The following MTR variants were observed in gnomAD, a reference collection of about 807,000 sequenced individuals.
MTR encodes methionine synthase.
Under a neutral mutation model 154.8 loss-of-function variants are expected in MTR, and 84 were observed. The ratio of observed to expected loss-of-function variants is 0.54; its 90% CI spans 0.45 to 0.65. The LOEUF is 0.65. Among genes scored for constraint, MTR ranks in the 30% least tolerant of loss-of-function variants. The pLI is 0.00. For missense variants in MTR, 1,275 were observed against 1,570.2 expected (o/e 0.81, Z 3.18); for synonymous variants, 554 against 553.9 (o/e 1.00, Z 0.00).
chr1:236,837,631 G>T (rs960928643), intron 14 of MTR, among the ~76,000 whole-genome samples: 1 of 152,184 alleles, frequency 6.6e-6, no homozygotes, highest in Non-Finnish European at 1.5e-5. Flanking sequence ...GGGAGCTGTG[G>T]TATGCACCTG....
intron 25 of MTR, among the ~76,000 whole-genome samples, chr1:236,884,393 G>T (rs1489688173): frequency 6.6e-6 from 1 of 152,172 alleles, no homozygotes; most frequent in Non-Finnish European, 1.5e-5. Flanking sequence ...AACCCAGAGG[G>T]TTCCCAAGAC....
chr1:236,878,762 G>C (rs1665570386), intron 24 of MTR, among the ~76,000 whole-genome samples: 1 of 152,178 alleles, frequency 6.6e-6, no homozygotes, highest in African/African-American at 2.4e-5. Context: ...ATAGATTTGG[G>C]GTCTTTGGTC....
rs1479491475 is a variant in MTR, at chr1:236,899,220, T to G, written c.*1576T>G. The G allele has an allele frequency of 6.6e-6, 1 of 152,196 alleles. No homozygotes were observed. The highest frequency in any genetic ancestry group is 2.4e-5 in the African/African-American group (1 of 41,456). The allele number at this position is 152,196 out of a possible 1,614,324, so 9.4% of individuals were successfully genotyped here. ...GTGTTTATATGGAGTAGCAAAGGAC[T>G]TAAAATTACCAAATGCTTCTAAATA... On this transcript the variant is annotated 3_prime_UTR_variant, in exon 33 of 33. Coordinates refer to ENST00000366577, the MANE Select transcript of MTR (RefSeq NM_000254.3).
intron 28 of MTR, among the ~76,000 whole-genome samples, chr1:236,889,971 C>G (rs1265975496): frequency 6.6e-6 from 1 of 152,044 alleles, no homozygotes; most frequent in Admixed American, 6.6e-5. Context: ...ACTACCCCCA[C>G]TTCTCACTTC....
rs186469456 is a variant in MTR, at chr1:236,854,626, A to G, written c.1953+1538A>G. Reference sequence around the variant, plus strand: ...GCCTCTATTGCCATGAAGTCATACTAGACAGTTCTTAATTAACACATGAAA... The same window carrying G: ...GCCTCTATTGCCATGAAGTCATACTGGACAGTTCTTAATTAACACATGAAA... On this transcript the variant is annotated intron_variant, in intron 18 of 32. Transcript: ENST00000366577. Among the ~76,000 whole-genome samples, 553 of 152,282 alleles carry G rather than the reference A, an allele frequency of 3.6e-3. 8 individuals are homozygous for G. The highest frequency in any genetic ancestry group is 0.013 in the African/African-American group (538 of 41,554).
chr1:236,871,978 G>A (rs140378187), intron 22 of MTR, among the ~76,000 whole-genome samples: 2 of 152,178 alleles, frequency 1.3e-5, no homozygotes, highest in African/African-American at 4.8e-5. Context: ...TCATGTTGTA[G>A]TCTTAAGCAT....
intron 13 of MTR, 90 bp from the exon 14 acceptor site, chr1:236,835,457 G>T: frequency 1.3e-6 from 2 of 1,518,058 alleles, no homozygotes; most frequent in Non-Finnish European, 1.8e-6. Context: ...TAATTTGAAG[G>T]ATTGCTGGGA....
intron 1 of MTR, among the ~76,000 whole-genome samples, chr1:236,798,953 T>G (rs1259713858): frequency 6.6e-6 from 1 of 152,164 alleles, no homozygotes; most frequent in Non-Finnish European, 1.5e-5. Context: ...TAAAGCCCAG[T>G]GAAAAATGAC....
chr1:236,838,383 C>CT, intron 14 of MTR, 31 bp from the exon 15 acceptor site: 1 of 1,611,020 alleles, frequency 6.2e-7, no homozygotes, highest in African/African-American at 1.3e-5. Context: ...CCTGTGGCCT[C>CT]TGTGTGATTT....
intron 9 of MTR, among the ~76,000 whole-genome samples, chr1:236,824,629 A>G (rs1201501799): frequency 1.3e-5 from 2 of 152,242 alleles, no homozygotes. Flanking sequence ...CTTGCAGTTC[A>G]TTATATGGAA....
In MTR at chr1:236,826,857, T is replaced by C. The variant is rs765853700; in HGVS notation, c.956T>C (p.Ile319Thr). The change falls in exon 11 of 33, where the codon ATA becomes ACA. Residue 319 changes from isoleucine to threonine, a missense_variant. Transcript: ENST00000366577. ...KDFAMDGLVN[I>T]VGGCCGSTPD... ...TTTGCTATGGATGGCTTGGTCAATA[T>C]AGTTGGAGGATGCTGTGGGTCAACA... 1.2e-6 allele frequency: 2 copies of C among 1,614,164 alleles called. No homozygotes were observed. The highest frequency in any genetic ancestry group is 1.1e-5 in the South Asian group (1 of 91,084).
Position 236,900,265 on chromosome 1 carries a change from A to G in MTR, c.*2621A>G. On this transcript the variant is annotated 3_prime_UTR_variant, in exon 33 of 33. Coordinates refer to ENST00000366577, the MANE Select transcript of MTR (RefSeq NM_000254.3). ...TGAGTGAACTACAGCTATACCTCAC[A>G]ATAAGAATGAATCTCAGAAAATATT... 4.1e-6 allele frequency: 1 copy of G among 242,442 alleles called. No homozygotes were observed. Among genetic ancestry groups the G allele is most frequent in the Non-Finnish European group, 8.6e-6 (1 of 116,430 alleles). The allele number at this position is 242,442 out of a possible 1,614,324, so 15.0% of individuals were successfully genotyped here.
chr1:236,873,065 G>C (rs899822738), intron 22 of MTR, among the ~76,000 whole-genome samples: 8 of 152,306 alleles, frequency 5.3e-5, no homozygotes, highest in Admixed American at 5.2e-4. Context: ...AGCAAAACAT[G>C]TTATCTCCAT....
chr1:236,880,889 C>T, intron 25 of MTR, 53 bp downstream of exon 25: 1 of 1,491,442 alleles, frequency 6.7e-7, no homozygotes, highest in East Asian at 2.3e-5. Flanking sequence ...GCTTGCATTA[C>T]AAGTAAGGGT....
Position 236,811,288 on chromosome 1 carries a change from C to T in MTR, c.502+693C>T, listed in dbSNP as rs148140339. ...TCACCAGGTCCCCTCTCACAACACG[C>T]GGGAATTCAAGACGAGATTTGGGTG... On this transcript the variant is annotated intron_variant, in intron 5 of 32. Transcript: ENST00000366577. Among the ~76,000 whole-genome samples, 1,240 of 152,164 alleles carry T rather than the reference C, an allele frequency of 8.1e-3. 6 individuals are homozygous for T. The highest frequency in any genetic ancestry group is 0.014 in the Middle Eastern group (4 of 294).
At chr1:236,889,613 C>G (rs1028468967) in intron 28 of MTR, among the ~76,000 whole-genome samples, 1 of 152,148 alleles carries the variant, frequency 6.6e-6, no homozygotes, top group African/African-American at 2.4e-5. Flanking sequence ...AATATAATCC[C>G]TGCTGTCTAG....
At chr1:236,896,388 A>G (rs1054241859) in intron 31 of MTR, among the ~76,000 whole-genome samples, 1 of 152,208 alleles carries the variant, frequency 6.6e-6, no homozygotes, top group Non-Finnish European at 1.5e-5. Flanking sequence ...TAACTCTAGG[A>G]GTCATGAGAT....
intron 24 of MTR, among the ~76,000 whole-genome samples, chr1:236,876,278 A>T (rs1183736264): frequency 6.6e-6 from 1 of 152,216 alleles, no homozygotes; most frequent in African/African-American, 2.4e-5. Context: ...GCTGTTCTTC[A>T]TACTTGAAGG....
At chr1:236,872,153 A>G (rs1665169605) in intron 22 of MTR, among the ~76,000 whole-genome samples, 1 of 152,228 alleles carries the variant, frequency 6.6e-6, no homozygotes. Context: ...TAAATTTAAA[A>G]TAGAAGTAAT....
Sources: allele counts gnomAD v4.1 joint callset (sites outside exome capture counted in the v4.1 genomes callset), GRCh38; gene constraint gnomAD v4.1.1; transcripts MANE v1.5; gene names NCBI Gene and HGNC (gene_info 2026-07-23, HGNC 2026-07-21).